The following NWD2 variants were observed in gnomAD, a reference collection of about 807,000 sequenced individuals.
NWD2 encodes NACHT and WD repeat domain-containing protein 2.
A neutral mutation model predicts 132.7 loss-of-function variants in NWD2; 37 were observed. The ratio of observed to expected loss-of-function variants is 0.28; its 90% CI spans 0.21 to 0.37. The LOEUF is 0.37. Ranked by LOEUF, NWD2 falls within the 10% of genes least tolerant of loss-of-function variation. The probability of loss-of-function intolerance (pLI) is 1.00; values close to 1 mark genes in which losing one functional copy is unlikely to be tolerated. For missense variants in NWD2, 1,592 were observed against 2,122.4 expected (o/e 0.75, Z 4.91); for synonymous variants, 705 against 803.0 (o/e 0.88, Z 2.06).
chr4:37,335,668 G>A (rs1719393439), intron 2 of NWD2, among the ~76,000 whole-genome samples: 1 of 151,780 alleles, frequency 6.6e-6, no homozygotes, highest in Non-Finnish European at 1.5e-5. Flanking sequence ...ATAGGAACAT[G>A]AACCCTATCG....
At chr4:37,303,676 G>C (rs1434075291) in intron 1 of NWD2, among the ~76,000 whole-genome samples, 1 of 151,824 alleles carries the variant, frequency 6.6e-6, no homozygotes, top group Non-Finnish European at 1.5e-5. Context: ...TAAATTCCTA[G>C]GTGTTCTATT....
chr4:37,356,155 A>T (rs1483738411), intron 2 of NWD2, among the ~76,000 whole-genome samples: 1 of 152,206 alleles, frequency 6.6e-6, no homozygotes, highest in Non-Finnish European at 1.5e-5. Flanking sequence ...CCATGTCAGC[A>T]GTATAATCAG....
chr4:37,254,289 C>G (rs1352526381), intron 1 of NWD2, among the ~76,000 whole-genome samples: 1 of 152,194 alleles, frequency 6.6e-6, no homozygotes, highest in Non-Finnish European at 1.5e-5. Context: ...ATATGTATTT[C>G]ACTGATACAG....
intron 2 of NWD2, among the ~76,000 whole-genome samples, chr4:37,348,508 A>C (rs1719684436): frequency 6.6e-6 from 1 of 150,396 alleles, no homozygotes; most frequent in African/African-American, 2.4e-5. Flanking sequence ...GGTAAAGCCC[A>C]GTGAATTCCA....
intron 3 of NWD2, among the ~76,000 whole-genome samples, chr4:37,368,465 G>A (rs750150474): frequency 8.5e-5 from 13 of 152,066 alleles, no homozygotes; most frequent in Non-Finnish European, 1.8e-4. Flanking sequence ...GTGAGCTAAT[G>A]GTAAGTCATA....
intron 1 of NWD2, among the ~76,000 whole-genome samples, chr4:37,306,893 A>T (rs1421655005): frequency 6.6e-6 from 1 of 152,080 alleles, no homozygotes; most frequent in Non-Finnish European, 1.5e-5. Flanking sequence ...GCGTGGTGGC[A>T]CACGCCTGTA....
chr4:37,348,125 A>G (rs1191611110), intron 2 of NWD2, among the ~76,000 whole-genome samples: 1 of 152,220 alleles, frequency 6.6e-6, no homozygotes, highest in Non-Finnish European at 1.5e-5. Flanking sequence ...TGGCAGTCCC[A>G]TAAGGATCTC....
At position 37,323,027 on chromosome 4, in the gene NWD2, G is replaced by A. The variant is rs191682405; in HGVS notation, c.152-2909G>A. Among the ~76,000 whole-genome samples the A allele has an allele frequency of 1.9e-3, 281 of 147,696 alleles. 1 individual carries two copies. Among genetic ancestry groups the A allele is most frequent in the African/African-American group, 5.8e-3 (239 of 41,422 alleles). On this transcript the variant is annotated intron_variant, in intron 1 of 6. Transcript: ENST00000309447. ...TATGAGTTTCTGGATTCAATTCTGG[G>A]TTTTCTAATTTAGTGGCTGTATGCT...
intron 2 of NWD2, among the ~76,000 whole-genome samples, chr4:37,351,485 C>T (rs1719761236): frequency 6.6e-6 from 1 of 152,192 alleles, no homozygotes; most frequent in East Asian, 1.9e-4. Context: ...TTATAGTATT[C>T]TCTGATGGTA....
At chr4:37,305,188 T>C (rs1265850996) in intron 1 of NWD2, among the ~76,000 whole-genome samples, 9 of 152,318 alleles carry the variant, frequency 5.9e-5, no homozygotes, top group Non-Finnish European at 1.2e-4. Context: ...TTGGGACACA[T>C]GGCGCCAAGT....
Position 37,446,308 on chromosome 4 carries a change from G to A in NWD2, c.4320G>A (p.Gln1440=). ...TCTGCAACATTCTGACCACTTTGCA[G>A]AATGCCTTTATTACCTCCGCAAATA... The part of the protein sequence containing the change: ...HRVCNILTTL[Q]NAFITSANTF... Residue 1440 remains glutamine (Q), a synonymous_variant, in exon 7 of 7, where the codon CAG becomes CAA. Transcript: ENST00000309447. The surrounding 1 kb of genome is among the most constrained non-coding windows in gnomAD (Gnocchi z 6.7). The A allele has an allele frequency of 2.6e-6, 4 of 1,551,870 alleles. No individual in the cohort carries two copies. The highest frequency in any genetic ancestry group is 3.5e-6 in the Non-Finnish European group (4 of 1,147,032).
At chr4:37,331,742 A>G (rs913450572) in intron 2 of NWD2, among the ~76,000 whole-genome samples, 1 of 152,220 alleles carries the variant, frequency 6.6e-6, no homozygotes, top group Non-Finnish European at 1.5e-5. Flanking sequence ...TGATCCCAGT[A>G]CCTGGTTTTA....
At chr4:37,394,656 C>T (rs1720743214) in intron 3 of NWD2, among the ~76,000 whole-genome samples, 2 of 152,050 alleles carry the variant, frequency 1.3e-5, no homozygotes, top group Admixed American at 1.3e-4. Flanking sequence ...CTAGTCTAAC[C>T]CTAGAGGAAC....
chr4:37,308,188 C>T (rs556849337), intron 1 of NWD2, among the ~76,000 whole-genome samples: 6 of 152,260 alleles, frequency 3.9e-5, no homozygotes, highest in Middle Eastern at 3.4e-3. Context: ...TTTTTTACAT[C>T]CCTATGTTAA....
intron 1 of NWD2, among the ~76,000 whole-genome samples, chr4:37,250,095 C>T (rs1717327209): frequency 6.6e-6 from 1 of 151,956 alleles, no homozygotes. Context: ...ATTTCTGTGG[C>T]GCCCTTTTTA....
At chr4:37,396,360 G>A (rs1720791492) in intron 3 of NWD2, among the ~76,000 whole-genome samples, 1 of 152,210 alleles carries the variant, frequency 6.6e-6, no homozygotes, top group East Asian at 1.9e-4. Context: ...GATGGTTGGA[G>A]CCTGACTCTG....
chr4:37,375,769 G>A (rs1344951837), intron 3 of NWD2, among the ~76,000 whole-genome samples: 3 of 152,074 alleles, frequency 2.0e-5, no homozygotes, highest in Non-Finnish European at 2.9e-5. Flanking sequence ...GGGTTTCACC[G>A]TGTTAGCCAG....
At position 37,257,174 on chromosome 4, in the gene NWD2, C is replaced by T. The variant is rs189675320; in HGVS notation, c.151+11956C>T. Among the ~76,000 whole-genome samples the T allele has an allele frequency of 1.6e-4, 24 of 152,294 alleles. 1 individual carries two copies. The East Asian group carries it at 2.7e-3, about 17-fold the overall frequency. On this transcript the variant is annotated intron_variant, in intron 1 of 6. Coordinates refer to ENST00000309447, the MANE Select transcript of NWD2 (RefSeq NM_001144990.2). ...CATCTTGGAGGTAGATCTTCACCCCCGTTGAGCTTCCCCAGCTGACTGTGG... is the reference window on the plus strand; with the variant it reads ...CATCTTGGAGGTAGATCTTCACCCCTGTTGAGCTTCCCCAGCTGACTGTGG...
At chr4:37,328,307 A>G (rs1719216134) in intron 2 of NWD2, among the ~76,000 whole-genome samples, 1 of 152,140 alleles carries the variant, frequency 6.6e-6, no homozygotes, top group Non-Finnish European at 1.5e-5. Context: ...CAGGTTTGTT[A>G]CATAGGTATA....
Sources: gnomAD v4.1 joint callset for allele counts (sites outside exome capture counted in the v4.1 genomes callset) on GRCh38, gnomAD v4.1.1 for gene constraint, Gnocchi (gnomAD v3.1) non-coding constraint, MANE v1.5 for transcripts, NCBI Gene and HGNC (gene_info 2026-07-23, HGNC 2026-07-21) for gene names.